The following CHST11 variants were observed in gnomAD, a reference collection of about 807,000 sequenced individuals.
CHST11 encodes the protein C4S-1.
CHST11 carries 9 observed loss-of-function variants against 30.4 expected under a neutral mutation model. The observed-to-expected ratio is 0.30, with a 90% CI of 0.18 to 0.52. CHST11 has a LOEUF of 0.52. CHST11 is among the 20% of genes least tolerant of loss of function. The pLI is 0.97. For missense variants in CHST11, 348 were observed against 460.6 expected, an observed-to-expected ratio of 0.76 and a Z score of 2.24; for synonymous variants, 152 against 187.8, an observed-to-expected ratio of 0.81 and a Z score of 1.56.
At chr12:104,482,814 A>G (rs188888449) in intron 1 of CHST11, among the ~76,000 whole-genome samples, 1 of 152,212 alleles carries the variant, frequency 6.6e-6, no homozygotes, top group East Asian at 1.9e-4. Context: ...GAGTCTGTGC[A>G]TCCCCCCACT....
At chr12:104,618,495 A>G (rs2039130677) in intron 2 of CHST11, among the ~76,000 whole-genome samples, 1 of 152,152 alleles carries the variant, frequency 6.6e-6, no homozygotes, top group Non-Finnish European at 1.5e-5. Context: ...TTGGCCTCCC[A>G]AAGTGCTGGG....
chr12:104,590,198 C>T (rs2038844685), intron 1 of CHST11, among the ~76,000 whole-genome samples: 1 of 152,118 alleles, frequency 6.6e-6, no homozygotes, highest in South Asian at 2.1e-4. Context: ...TCTATGTGCG[C>T]ACCTGTTCCT....
At chr12:104,701,347 A>C (rs1173633639) in intron 2 of CHST11, among the ~76,000 whole-genome samples, 1 of 152,202 alleles carries the variant, frequency 6.6e-6, no homozygotes, top group East Asian at 1.9e-4. Flanking sequence ...GACATCTCTT[A>C]TACTCAATGT....
At chr12:104,654,101 G>T (rs1006547955) in intron 2 of CHST11, among the ~76,000 whole-genome samples, 1 of 152,190 alleles carries the variant, frequency 6.6e-6, no homozygotes, top group African/African-American at 2.4e-5. Flanking sequence ...CCTCCTATGT[G>T]CTAGGTGCCG....
At chr12:104,596,349 T>G (rs1047558959) in intron 1 of CHST11, among the ~76,000 whole-genome samples, 2 of 152,190 alleles carry the variant, frequency 1.3e-5, no homozygotes, top group East Asian at 3.9e-4. Context: ...ATTTGGAAAG[T>G]GTCCGAAGTC....
chr12:104,742,820 C>T (rs1308790353), intron 2 of CHST11, among the ~76,000 whole-genome samples: 2 of 152,222 alleles, frequency 1.3e-5, no homozygotes, highest in Non-Finnish European at 2.9e-5. Context: ...GTTTCTTGGC[C>T]TCACCAGACG....
At chr12:104,511,502 ACAGT>A (rs753162623) in intron 1 of CHST11, among the ~76,000 whole-genome samples, 3 of 152,234 alleles carry the variant, frequency 2.0e-5, no homozygotes, top group African/African-American at 4.8e-5. Flanking sequence ...AATGCAGTTG[ACAGT>A]CAGTGGTATA....
chr12:104,651,748 T>G (rs570121286), intron 2 of CHST11, among the ~76,000 whole-genome samples: 2 of 152,326 alleles, frequency 1.3e-5, no homozygotes, highest in African/African-American at 4.8e-5. Context: ...TATTGCTCTT[T>G]GCGCGTAATT....
At position 104,639,397 on chromosome 12, in the gene CHST11, T is replaced by C. The variant is rs187330003; in HGVS notation, c.204+37406T>C. On this transcript the variant is annotated intron_variant, in intron 2 of 2. Transcript: ENST00000303694. ...TTGTGAATGGATACACAAAATATGG[T>C]ATATCCATACAATTGATACCCAACC... Among the ~76,000 whole-genome samples the C allele has an allele frequency of 1.3e-3, 204 of 152,260 alleles. 1 individual carries two copies. The highest frequency in any genetic ancestry group is 4.6e-3 in the African/African-American group (193 of 41,524).
chr12:104,673,678 A>G (rs960708620), intron 2 of CHST11, among the ~76,000 whole-genome samples: 1 of 152,236 alleles, frequency 6.6e-6, no homozygotes, highest in African/African-American at 2.4e-5. Context: ...TGTCCTAGAC[A>G]ACTCATTTAA....
chr12:104,584,261 C>CTTT (rs34673490), intron 1 of CHST11, among the ~76,000 whole-genome samples: 103 of 136,772 alleles, frequency 7.5e-4, no homozygotes, highest in Admixed American at 1.3e-3. Flanking sequence ...TCTCTTTCTT[C>CTTT]TTTTTTTTTT....
At chr12:104,675,897 T>G (rs1236874758) in intron 2 of CHST11, among the ~76,000 whole-genome samples, 1 of 152,160 alleles carries the variant, frequency 6.6e-6, no homozygotes, top group Non-Finnish European at 1.5e-5. Context: ...GAGGAATTTG[T>G]GCTCGGAGAA....
intron 1 of CHST11, among the ~76,000 whole-genome samples, chr12:104,581,183 C>G (rs1464833163): frequency 6.6e-6 from 1 of 152,188 alleles, no homozygotes; most frequent in Non-Finnish European, 1.5e-5. Context: ...TCCTTGAGGA[C>G]TTTGGACTCT....
chr12:104,661,864 A>G (rs183654057), intron 2 of CHST11, among the ~76,000 whole-genome samples: 6 of 152,274 alleles, frequency 3.9e-5, no homozygotes, highest in Admixed American at 2.0e-4. Context: ...GTTGGAGATG[A>G]CTAGTGTTTC....
intron 2 of CHST11, among the ~76,000 whole-genome samples, chr12:104,711,310 T>G (rs1275279906): frequency 6.6e-6 from 1 of 152,234 alleles, no homozygotes; most frequent in Non-Finnish European, 1.5e-5. Flanking sequence ...TGGCACTTTC[T>G]TGCCCTAACT....
chr12:104,717,168 C>T (rs1044838170), intron 2 of CHST11, among the ~76,000 whole-genome samples: 3 of 152,166 alleles, frequency 2.0e-5, no homozygotes, highest in African/African-American at 7.2e-5. Flanking sequence ...TACCTTGATT[C>T]CCCCTTGCCA....
intron 1 of CHST11, among the ~76,000 whole-genome samples, chr12:104,543,595 G>A (rs1403925123): frequency 6.6e-6 from 1 of 152,108 alleles, no homozygotes; most frequent in East Asian, 1.9e-4. Context: ...GAGTCTTACA[G>A]GAGTCCAGGA....
chr12:104,651,652 C>T (rs531615130), intron 2 of CHST11, among the ~76,000 whole-genome samples: 85 of 152,208 alleles, frequency 5.6e-4, no homozygotes, highest in African/African-American at 1.0e-3. Flanking sequence ...AAGTGACCCA[C>T]CCAAGGCCAT....
Position 104,727,696 on chromosome 12 carries a change from T to C in CHST11, c.205-29253T>C, listed in dbSNP as rs146783482. On this transcript the variant is annotated intron_variant, in intron 2 of 2. Coordinates refer to ENST00000303694, the MANE Select transcript of CHST11 (RefSeq NM_018413.6). ...CACTCAGAGCCCAAGTAGAAAATGCTTCATTCTCCAATCCCTTTCAGTCAT... is the reference window on the plus strand; with the variant it reads ...CACTCAGAGCCCAAGTAGAAAATGCCTCATTCTCCAATCCCTTTCAGTCAT... 4.1e-3 allele frequency among the ~76,000 whole-genome samples: 625 copies of C among 152,362 alleles called. 4 individuals carry two copies. Among genetic ancestry groups the C allele is most frequent in the Admixed American group, 6.7e-3 (102 of 15,310 alleles).
Sources: allele counts gnomAD v4.1 joint callset (sites outside exome capture counted in the v4.1 genomes callset), GRCh38; gene constraint gnomAD v4.1.1; transcripts MANE v1.5; gene names NCBI Gene and HGNC (gene_info 2026-07-23, HGNC 2026-07-21).